The following ZNF254 variants were observed in gnomAD, a reference collection of about 807,000 sequenced individuals.
The protein encoded by ZNF254 is CTD-2017D11.1.
ZNF254 carries 10 observed loss-of-function variants against 12.4 expected under a neutral mutation model. The observed-to-expected ratio is 0.80, with a 90% confidence interval of 0.50 to 1.36. ZNF254 has a LOEUF of 1.36. ZNF254 is among the 40% of genes most tolerant of loss of function. The pLI is 0.00. For synonymous variants in ZNF254, 305 were observed against 253.4 expected, an observed-to-expected ratio of 1.20 and a Z score of -1.93; for missense variants, 996 against 763.9, an observed-to-expected ratio of 1.30 and a Z score of -3.58.
chr19:24,085,358 C>T (rs1165617454), upstream of ZNF254, among the ~76,000 whole-genome samples: 1 of 118,918 alleles, frequency 8.4e-6, no homozygotes, highest in Non-Finnish European at 1.7e-5. Flanking sequence ...TGATACAAAA[C>T]AGTTCAAAAT....
intron 3 of ZNF254, among the ~76,000 whole-genome samples, chr19:24,123,498 T>G (rs1974625122): frequency 6.6e-6 from 1 of 152,318 alleles, no homozygotes; most frequent in Admixed American, 6.5e-5. Context: ...GAAAGTGTGG[T>G]ATTAAAATAT....
chr19:24,086,597 C>T (rs2145622824), upstream of ZNF254, among the ~76,000 whole-genome samples: 1 of 152,308 alleles, frequency 6.6e-6, no homozygotes, highest in Non-Finnish European at 1.5e-5. Context: ...CCTGCCTCAG[C>T]CTCCCGAGAA....
At chr19:24,077,570 A>G (rs1486554430) in intron 2 of ZNF254, among the ~76,000 whole-genome samples, 1 of 152,224 alleles carries the variant, frequency 6.6e-6, no homozygotes, top group Non-Finnish European at 1.5e-5. Context: ...GTGATGTGGG[A>G]TGTTCCAAGC....
At chr19:24,078,067 C>A (rs1351443318) in intron 2 of ZNF254, among the ~76,000 whole-genome samples, 1 of 152,232 alleles carries the variant, frequency 6.6e-6, no homozygotes, top group African/African-American at 2.4e-5. Flanking sequence ...GAGACGAAGT[C>A]TCACTCTGTC....
chr19:24,109,012 G>A (rs535086052), intron 3 of ZNF254, among the ~76,000 whole-genome samples: 3 of 152,254 alleles, frequency 2.0e-5, no homozygotes, highest in Non-Finnish European at 2.9e-5. Context: ...AAAATTAGCC[G>A]GGCATGGCGG....
chr19:24,128,627 A>G lies in ZNF254; in HGVS notation c.*647A>G, dbSNP rs1975053832. ...GAAAAACATTTTTTCAAAAACTACA[A>G]ATTATAAAACACCAAAGTGTTCATA... On this transcript the variant is annotated 3_prime_UTR_variant, in exon 4 of 4. Coordinates refer to ENST00000357002, the MANE Select transcript of ZNF254 (RefSeq NM_203282.4). 1.3e-5 allele frequency: 2 copies of G among 152,108 alleles called. No individual in the cohort carries two copies. The allele number at this position is 152,108 out of a possible 1,614,324, so 9.4% of individuals were successfully genotyped here. A position where few individuals can be genotyped will look rare whatever the true frequency, so the allele number is the denominator to read the frequency against.
At chr19:24,063,392 G>A (rs567840395) in intron 2 of ZNF254, among the ~76,000 whole-genome samples, 24 of 152,298 alleles carry the variant, frequency 1.6e-4, no homozygotes, top group Admixed American at 1.2e-3. Context: ...TTGATAAAGC[G>A]CACAGTGGTC....
At chr19:24,107,104 A>T (rs1973394643) in intron 3 of ZNF254, 2 of 477,304 alleles carry the variant, frequency 4.2e-6, no homozygotes, top group East Asian at 6.9e-5. Flanking sequence ...TCATTACTGT[A>T]GTCTTGAAAT....
At chr19:24,039,016 C>T (rs935875209) in intron 1 of ZNF254, among the ~76,000 whole-genome samples, 1 of 152,208 alleles carries the variant, frequency 6.6e-6, no homozygotes, top group Non-Finnish European at 1.5e-5. Flanking sequence ...CTTTTCTGCC[C>T]TCCTAAACCT....
At chr19:24,104,293 C>T (rs1973205894) in intron 1 of ZNF254, 1 of 152,132 alleles carries the variant, frequency 6.6e-6, no homozygotes, top group African/African-American at 2.4e-5. Flanking sequence ...GTTTTTGTGT[C>T]TTGAGCCTTC....
chr19:24,066,577 G>C (rs1165980580), intron 2 of ZNF254: 1 of 152,196 alleles, frequency 6.6e-6, no homozygotes, highest in African/African-American at 2.4e-5. Context: ...GCTGGGCATG[G>C]TGGCTCATGT....
At chr19:24,042,621 G>C (rs1440264067) in intron 1 of ZNF254, among the ~76,000 whole-genome samples, 2 of 151,934 alleles carry the variant, frequency 1.3e-5, no homozygotes, top group Non-Finnish European at 2.9e-5. Flanking sequence ...CACCTTAAGA[G>C]CTGTAACACT....
chr19:24,094,410 G>A (rs971683423), intron 1 of ZNF254, among the ~76,000 whole-genome samples: 3 of 151,958 alleles, frequency 2.0e-5, no homozygotes, highest in Admixed American at 1.3e-4. Context: ...ACAGGCATCC[G>A]CCACTGCGCC....
In ZNF254 at chr19:24,055,129, G is replaced by A. The variant is rs531478856; in HGVS notation, c.-94+8850G>A. Among the ~76,000 whole-genome samples, 90 of 146,156 alleles carry A rather than the reference G, an allele frequency of 6.2e-4. 1 individual carries two copies. Among genetic ancestry groups the A allele is most frequent in the Admixed American group, 7.1e-4 (10 of 14,114 alleles). ...GAGGCAGGAGAATTGCTTCAACCCG[G>A]GAGGTGGAGGTTGCATTGAATTGAG... On this transcript the variant is annotated intron_variant, in intron 2 of 4. Coordinates refer to the ZNF254 transcript ENST00000613065.
intron 1 of ZNF254, among the ~76,000 whole-genome samples, chr19:24,102,203 T>G (rs1039576965): frequency 1.3e-5 from 2 of 151,056 alleles, no homozygotes; most frequent in Non-Finnish European, 2.9e-5. Context: ...TGTCTATACC[T>G]GAACATATAT....
chr19:24,084,930 A>G (rs1003807499), upstream of ZNF254, among the ~76,000 whole-genome samples: 1 of 112,730 alleles, frequency 8.9e-6, no homozygotes, highest in African/African-American at 3.8e-5. Context: ...AGTGACCACA[A>G]TCTTTTTTTT....
intron 2 of ZNF254, among the ~76,000 whole-genome samples, chr19:24,059,547 C>A (rs1291356862): frequency 6.6e-6 from 1 of 152,032 alleles, no homozygotes; most frequent in Non-Finnish European, 1.5e-5. Context: ...GGAATATTCC[C>A]AAAAAGAGAG....
At chr19:24,086,809 G>A (rs1429046853), upstream of ZNF254, among the ~76,000 whole-genome samples, 1 of 152,144 alleles carries the variant, frequency 6.6e-6, no homozygotes, top group African/African-American at 2.4e-5. Flanking sequence ...TATCAAATTA[G>A]CTTTAGTGCT....
chr19:24,054,501 G>A (rs1289107356), intron 2 of ZNF254, among the ~76,000 whole-genome samples: 4 of 152,144 alleles, frequency 2.6e-5, no homozygotes, highest in Non-Finnish European at 5.9e-5. Context: ...CTAACATATT[G>A]TATAATGCCC....
Sources: gnomAD v4.1 joint callset for allele counts (sites outside exome capture counted in the v4.1 genomes callset) on GRCh38, gnomAD v4.1.1 for gene constraint, MANE v1.5 for transcripts, NCBI Gene and HGNC (gene_info 2026-07-23, HGNC 2026-07-21) for gene names.